The following GPBP1L1 variants were observed in gnomAD, a reference collection of about 807,000 sequenced individuals.
GPBP1L1 encodes GC-rich promoter binding protein 1 like 1.
In GPBP1L1, 23 loss-of-function variants were observed where a neutral mutation model predicts 52.5. The ratio of observed to expected loss-of-function variants is 0.44; its 90% confidence interval spans 0.32 to 0.62. The LOEUF (loss-of-function observed/expected upper bound fraction) is 0.62, where lower values mean the gene tolerates loss of function less well. GPBP1L1 is among the 20% of genes least tolerant of loss of function. GPBP1L1 has a pLI of 0.06. For synonymous variants in GPBP1L1, 243 were observed against 203.1 expected (o/e 1.20, Z -1.67); for missense variants, 596 against 579.3 (o/e 1.03, Z -0.30).
intron 8 of GPBP1L1, 81 bp from the exon 9 acceptor site, chr1:45,634,317 G>A: frequency 1.5e-6 from 2 of 1,375,298 alleles, no homozygotes; most frequent in Middle Eastern, 2.6e-4. Flanking sequence ...AGCAAAGAGT[G>A]AAATGTTACA....
At chr1:45,641,803 A>G (rs1044897838) in intron 7 of GPBP1L1, 1 of 136,188 alleles carries the variant, frequency 7.3e-6, no homozygotes, top group African/African-American at 2.8e-5. Context: ...CAACAGAGTG[A>G]GACTCCATCT....
intron 3 of GPBP1L1, among the ~76,000 whole-genome samples, chr1:45,659,436 G>C (rs1644921137): frequency 6.6e-6 from 1 of 152,192 alleles, no homozygotes; most frequent in African/African-American, 2.4e-5. Flanking sequence ...GGCCTCAAAA[G>C]ATCATCCTGC....
At position 45,655,202 on chromosome 1, in the gene GPBP1L1, G is replaced by C; in HGVS notation, c.178C>G (p.Arg60Gly). 5 of 1,614,038 alleles carry C rather than the reference G, an allele frequency of 3.1e-6. No individual in the cohort carries two copies. Among genetic ancestry groups the C allele is most frequent in the Non-Finnish European group, 4.2e-6 (5 of 1,179,960 alleles). ...SDGFFNNGPL[R>G]TAGDSWHQPS... ...GGACATGGCTCACCTCCTGCAGTTC[G>C]TAGGGGACCATTGTTAAAAAAACCA... The change falls in exon 5 of 13, where the codon CGA becomes GGA. Residue 60 changes from arginine to glycine, a missense_variant. Physicochemically the swap from Arg to Gly is moderately radical, Grantham distance 125 (BLOSUM62 -2). Transcript: ENST00000355105.
rs1243704544 is a variant in GPBP1L1 at position 45,660,586 on chromosome 1, G to C, written c.-458C>G. On this transcript the variant is annotated 5_prime_UTR_variant, in exon 3 of 13. Transcript: ENST00000355105. ...CGAGTGCAAATACTGTTCATAACAA[G>C]GTCATAGCTAGAAAGACAGATGGGC... 1.0e-6 allele frequency: 1 copy of C among 983,678 alleles called. No individual in the cohort carries two copies. The highest frequency in any genetic ancestry group is 1.7e-5 in the African/African-American group (1 of 57,178). The allele number at this position is 983,678 out of a possible 1,614,324, so 60.9% of individuals were successfully genotyped here.
chr1:45,663,000 G>A (rs912221514), intron 2 of GPBP1L1, among the ~76,000 whole-genome samples: 3 of 135,422 alleles, frequency 2.2e-5, no homozygotes, highest in Non-Finnish European at 4.6e-5. Context: ...ACAGTGAGCC[G>A]AGATCCCACC....
At chr1:45,664,337 G>A (rs764682839) in intron 2 of GPBP1L1, among the ~76,000 whole-genome samples, 4 of 150,966 alleles carry the variant, frequency 2.6e-5, no homozygotes, top group African/African-American at 9.8e-5. Flanking sequence ...AAGGCCGGGC[G>A]TGGTGGCTCA....
At chr1:45,663,194 ATAAC>A (rs1258431850) in intron 2 of GPBP1L1, among the ~76,000 whole-genome samples, 3 of 152,232 alleles carry the variant, frequency 2.0e-5, no homozygotes, top group Non-Finnish European at 4.4e-5. Flanking sequence ...AAAGATATAA[ATAAC>A]TGTCTGGTGC....
At chr1:45,676,710 C>CAAAAAAAAA (rs1189531708) in intron 2 of GPBP1L1, among the ~76,000 whole-genome samples, 1 of 63,266 alleles carries the variant, frequency 1.6e-5, no homozygotes, top group African/African-American at 5.5e-5. Context: ...AACTCTGTCT[C>CAAAAAAAAA]AAAAAAAAAA....
At chr1:45,650,610 A>G (rs1644808238) in intron 6 of GPBP1L1, among the ~76,000 whole-genome samples, 1 of 152,234 alleles carries the variant, frequency 6.6e-6, no homozygotes, top group African/African-American at 2.4e-5. Flanking sequence ...TGGTATAGAA[A>G]AAAATAATAC....
chr1:45,638,020 C>T (rs1313790992), intron 8 of GPBP1L1, among the ~76,000 whole-genome samples: 1 of 152,182 alleles, frequency 6.6e-6, no homozygotes, highest in Non-Finnish European at 1.5e-5. Context: ...AGTTAACTTC[C>T]ATGCTCAGCT....
intron 2 of GPBP1L1, among the ~76,000 whole-genome samples, chr1:45,664,161 A>T (rs565886069): frequency 6.6e-6 from 1 of 152,330 alleles, no homozygotes; most frequent in African/African-American, 2.4e-5. Flanking sequence ...TCTACTAAAA[A>T]TACAAAAAAT....
intron 2 of GPBP1L1, among the ~76,000 whole-genome samples, chr1:45,662,432 A>G (rs996638029): frequency 1.3e-5 from 2 of 152,346 alleles, no homozygotes; most frequent in Admixed American, 1.3e-4. Flanking sequence ...GGTGTCAGCC[A>G]CTGTGCCTGG....
intron 6 of GPBP1L1, among the ~76,000 whole-genome samples, chr1:45,644,139 A>G (rs1362613512): frequency 2.0e-5 from 3 of 152,192 alleles, no homozygotes; most frequent in Non-Finnish European, 4.4e-5. Flanking sequence ...ACAAGCACAA[A>G]TGCAAATGAA....
At chr1:45,679,468 T>G (rs1645186097) in intron 2 of GPBP1L1, among the ~76,000 whole-genome samples, 1 of 152,166 alleles carries the variant, frequency 6.6e-6, no homozygotes, top group Admixed American at 6.5e-5. Flanking sequence ...TGGCACAGTT[T>G]GGGTAACATG....
chr1:45,653,157 T>G (rs1644839283), intron 6 of GPBP1L1, among the ~76,000 whole-genome samples: 1 of 152,182 alleles, frequency 6.6e-6, no homozygotes. Flanking sequence ...GTAGAGGAGC[T>G]AATGCCTAAA....
chr1:45,634,345 AGGGC>A, intron 8 of GPBP1L1, 109 bp from the exon 9 acceptor site: 1 of 1,132,106 alleles, frequency 8.8e-7, no homozygotes, highest in Non-Finnish European at 1.2e-6. Context: ...ATAAGTTTCC[AGGGC>A]TTACCTGTCT....
chr1:45,647,395 C>T (rs1366603137), intron 6 of GPBP1L1, among the ~76,000 whole-genome samples: 1 of 152,142 alleles, frequency 6.6e-6, no homozygotes, highest in Admixed American at 6.5e-5. Context: ...TCCTCAGTGA[C>T]GGGCTTTGTT....
At position 45,640,331 on chromosome 1, in the gene GPBP1L1, G is replaced by C. The variant is rs369672218; in HGVS notation, c.623C>G (p.Ala208Gly). 7.4e-6 allele frequency: 12 copies of C among 1,614,110 alleles called. No homozygotes were observed. Among genetic ancestry groups the C allele is most frequent in the Admixed American group, 6.7e-5 (4 of 60,012 alleles). Residue 208 changes from alanine (A) to glycine (G), a missense_variant, in exon 8 of 13, where the codon GCT (alanine) becomes GGT (glycine). Ala to Gly is a moderately conservative substitution (Grantham distance 60). Coordinates refer to ENST00000355105, the MANE Select transcript of GPBP1L1 (RefSeq NM_021639.5). ...TGAGGTGAATGCAGCAGAGAAGGCAGCAGCAGGATCCTCTTTGGAAACTTT... is the reference window on the plus strand; with the variant it reads ...TGAGGTGAATGCAGCAGAGAAGGCACCAGCAGGATCCTCTTTGGAAACTTT... Reference protein sequence around the residue: ...IKKVSKEDPAAAFSAAFTSPG... With the variant: ...IKKVSKEDPAGAFSAAFTSPG...
At position 45,640,123 on chromosome 1, in the gene GPBP1L1, G is replaced by T; in HGVS notation, c.744+87C>A. The T allele has an allele frequency of 4.9e-6, 5 of 1,021,772 alleles. 1 individual carries two copies. Among genetic ancestry groups the T allele is most frequent in the South Asian group, 4.8e-5 (3 of 63,084 alleles). The allele number at this position is 1,021,772 out of a possible 1,614,324, so 63.3% of individuals were successfully genotyped here. A position where few individuals can be genotyped will look rare whatever the true frequency, so the allele number is the denominator to read the frequency against. Reference sequence around the variant, plus strand: ...GAAAGAATATCTGGTGACTGATGCGGCAAGAAAAAACAAATTTATTAATTT... The same window carrying T: ...GAAAGAATATCTGGTGACTGATGCGTCAAGAAAAAACAAATTTATTAATTT... On this transcript the variant is annotated intron_variant, in intron 8 of 12. Coordinates refer to ENST00000355105, the MANE Select transcript of GPBP1L1 (RefSeq NM_021639.5).
Sources: allele counts gnomAD v4.1 joint callset (sites outside exome capture counted in the v4.1 genomes callset), GRCh38; gene constraint gnomAD v4.1.1; transcripts MANE v1.5; gene names NCBI Gene and HGNC (gene_info 2026-07-23, HGNC 2026-07-21).